The following PUM2 variants were observed in gnomAD, a reference collection of about 807,000 sequenced individuals.
PUM2 encodes pumilio homolog 2.
In PUM2, 57 loss-of-function variants were observed where a neutral mutation model predicts 124.5. The observed-to-expected ratio is 0.46, with a 90% CI of 0.37 to 0.57. The LOEUF is 0.57. Ranked by LOEUF, PUM2 falls within the 20% of genes least tolerant of loss-of-function variation. The pLI is 0.00. For missense variants in PUM2, 1,065 were observed against 1,290.6 expected, an observed-to-expected ratio of 0.83 and a Z score of 2.68; for synonymous variants, 460 against 446.1, an observed-to-expected ratio of 1.03 and a Z score of -0.39.
In PUM2 at chr2:20,297,534, T is replaced by A. The variant is rs930596576; in HGVS notation, c.1009+19A>T. 6.7e-5 allele frequency: 104 copies of A among 1,554,898 alleles called. No individual in the cohort carries two copies. Among genetic ancestry groups the A allele is most frequent in the Non-Finnish European group, 8.8e-5 (101 of 1,147,524 alleles). On this transcript the variant is annotated intron_variant, in intron 8 of 20. Transcript: ENST00000361078. ...CATTAAAAAGCAACCATAATAAAGA[T>A]GAACAAATAGTATGTTACCTGCTAA...
At chr2:20,323,626 T>C (rs966042870) in intron 2 of PUM2, among the ~76,000 whole-genome samples, 73 of 152,172 alleles carry the variant, frequency 4.8e-4, no homozygotes, top group African/African-American at 1.7e-3. Flanking sequence ...TGTCCATAGC[T>C]GTTTGACTTC....
chr2:20,309,534 C>T (rs1010858341), intron 5 of PUM2, among the ~76,000 whole-genome samples: 4 of 151,900 alleles, frequency 2.6e-5, no homozygotes, highest in African/African-American at 9.7e-5. Context: ...TTTTTATTAA[C>T]ACCTTCATGG....
intron 1 of PUM2, among the ~76,000 whole-genome samples, chr2:20,334,872 G>A (rs552747553): frequency 6.6e-6 from 1 of 152,264 alleles, no homozygotes; most frequent in East Asian, 1.9e-4. Context: ...TAAAAACCTA[G>A]TTGAGTCACA....
intron 13 of PUM2, among the ~76,000 whole-genome samples, chr2:20,274,859 G>T (rs1178747555): frequency 1.4e-5 from 2 of 146,344 alleles, no homozygotes; most frequent in East Asian, 2.0e-4. Context: ...TTTATTAGAA[G>T]AAGGAAAACA....
rs530098630 is a variant in PUM2 at position 20,315,883 on chromosome 2, C to CT, written c.160+2653dup. On this transcript the variant is annotated intron_variant, in intron 3 of 20. Transcript: ENST00000361078. ...ACAAACCAAAAAACAAAGATAAAAA[C>CT]TTTTTTAAATCATTGGTTCTGATTC... Among the ~76,000 whole-genome samples, 206 of 125,484 alleles carry CT rather than the reference C, an allele frequency of 1.6e-3. 1 individual carries two copies. The highest frequency in any genetic ancestry group is 0.013 in the Middle Eastern group (3 of 234). 82.3% of individuals were successfully genotyped at this position (125,484 alleles called of 152,430 possible). A position where few individuals can be genotyped will look rare whatever the true frequency, so the allele number is the denominator to read the frequency against.
At chr2:20,318,716 CAT>C in intron 2 of PUM2, 71 bp from the exon 3 acceptor site, 1 of 1,050,078 alleles carries the variant, frequency 9.5e-7, no homozygotes, top group Non-Finnish European at 1.4e-6. Flanking sequence ...AAGTCTCAAA[CAT>C]ATCACTGCTA....
intron 5 of PUM2, among the ~76,000 whole-genome samples, chr2:20,308,895 ATC>A (rs1678972790): frequency 6.6e-6 from 1 of 152,176 alleles, no homozygotes; most frequent in Non-Finnish European, 1.5e-5. Flanking sequence ...ACTACCTGAA[ATC>A]TCTGTCTCAA....
At chr2:20,321,342 G>C (rs769326007) in intron 2 of PUM2, among the ~76,000 whole-genome samples, 1 of 152,146 alleles carries the variant, frequency 6.6e-6, no homozygotes, top group African/African-American at 2.4e-5. Context: ...CTGGGAAGCG[G>C]GGGGGAGGGG....
chr2:20,319,429 C>A (rs1681775568), intron 2 of PUM2, among the ~76,000 whole-genome samples: 1 of 152,180 alleles, frequency 6.6e-6, no homozygotes, highest in African/African-American at 2.4e-5. Flanking sequence ...TCATAAGACA[C>A]CATCACTCTC....
At position 20,286,880 on chromosome 2, in the gene PUM2, C is replaced by A. The variant is rs115389495; in HGVS notation, c.1292-3394G>T. Among the ~76,000 whole-genome samples, 992 of 152,114 alleles carry A rather than the reference C, an allele frequency of 6.5e-3. 6 individuals are homozygous for A. Among genetic ancestry groups the A allele is most frequent in the African/African-American group, 0.022 (916 of 41,492 alleles). On this transcript the variant is annotated intron_variant, in intron 10 of 20. Coordinates refer to ENST00000361078, the MANE Select transcript of PUM2 (RefSeq NM_015317.5). ...TGTTCAAAAGTTGCTAATTTCCATTCTTTTTGTCTATGGCCATACAACCCT... is the reference window on the plus strand; with the variant it reads ...TGTTCAAAAGTTGCTAATTTCCATTATTTTTGTCTATGGCCATACAACCCT...
At chr2:20,339,379 G>A (rs139862301) in intron 1 of PUM2, among the ~76,000 whole-genome samples, 6 of 151,280 alleles carry the variant, frequency 4.0e-5, no homozygotes, top group African/African-American at 7.3e-5. Context: ...ACATCTAAAC[G>A]AAGCATCACT....
chr2:20,280,914 C>T (rs184888744), intron 12 of PUM2, among the ~76,000 whole-genome samples: 1 of 152,126 alleles, frequency 6.6e-6, no homozygotes, highest in African/African-American at 2.4e-5. Context: ...GGCTTCTTGG[C>T]CAACTATATC....
intron 7 of PUM2, among the ~76,000 whole-genome samples, chr2:20,306,653 G>T (rs1172822735): frequency 1.4e-5 from 2 of 148,110 alleles, no homozygotes; most frequent in African/African-American, 5.0e-5. Flanking sequence ...CTGTCACCCA[G>T]GCTGGAGTGC....
intron 14 of PUM2, among the ~76,000 whole-genome samples, chr2:20,262,445 C>T (rs778454887): frequency 1.3e-5 from 2 of 152,204 alleles, no homozygotes; most frequent in African/African-American, 2.4e-5. Flanking sequence ...GCAGCCTAGG[C>T]GCAATATACA....
intron 1 of PUM2, among the ~76,000 whole-genome samples, chr2:20,345,678 A>G (rs1688113245): frequency 6.6e-6 from 1 of 152,018 alleles, no homozygotes; most frequent in South Asian, 2.1e-4. Context: ...GTTCAAGACC[A>G]GCCTGGCCAA....
chr2:20,314,064 T>C (rs1680305196), intron 3 of PUM2, among the ~76,000 whole-genome samples: 1 of 152,088 alleles, frequency 6.6e-6, no homozygotes, highest in South Asian at 2.1e-4. Context: ...AAGGATCACC[T>C]GAGCCCGGGA....
chr2:20,319,305 C>A (rs1399763365), intron 2 of PUM2, among the ~76,000 whole-genome samples: 6 of 152,214 alleles, frequency 3.9e-5, no homozygotes, highest in African/African-American at 1.4e-4. Flanking sequence ...CTTTAATATT[C>A]ATTCATATCT....
At chr2:20,347,377 T>TCACTAAGGAAAAAAAA (rs1291118112) in intron 1 of PUM2, among the ~76,000 whole-genome samples, 8 of 152,112 alleles carry the variant, frequency 5.3e-5, no homozygotes, top group Non-Finnish European at 1.2e-4. Flanking sequence ...GAAGAAAAAG[T>TCACTAAGGAAAAAAAA]CACTAAGGAA....
Position 20,316,929 on chromosome 2 carries a change from G to A in PUM2, c.160+1608C>T, listed in dbSNP as rs182901765. 2.5e-3 allele frequency among the ~76,000 whole-genome samples: 385 copies of A among 152,094 alleles called. 1 individual carries two copies. The highest frequency in any genetic ancestry group is 4.8e-3 in the Admixed American group (74 of 15,278). The stretch of plus-strand genomic sequence containing the variant: ...ACCTATTATCCCAGCTACTCAGGAG[G>A]CTGAGGCAGGAGAATCACTTGAACC... On this transcript the variant is annotated intron_variant, in intron 3 of 20. Coordinates refer to ENST00000361078, the MANE Select transcript of PUM2 (RefSeq NM_015317.5).
Sources: allele counts gnomAD v4.1 joint callset (sites outside exome capture counted in the v4.1 genomes callset), GRCh38; gene constraint gnomAD v4.1.1; transcripts MANE v1.5; gene names NCBI Gene and HGNC (gene_info 2026-07-23, HGNC 2026-07-21).